The following PRKCE variants were observed in gnomAD, a reference collection of about 807,000 sequenced individuals.
PRKCE encodes protein kinase C epsilon type.
PRKCE carries 16 observed loss-of-function variants against 85.4 expected under a neutral mutation model. That is an observed-to-expected ratio of 0.19 (90% CI 0.13 to 0.28). The LOEUF is 0.28. PRKCE is among the 10% of genes least tolerant of loss of function. The pLI is 1.00. For synonymous variants in PRKCE, 388 were observed against 371.5 expected (o/e 1.04, Z -0.51); for missense variants, 573 against 975.2 (o/e 0.59, Z 5.49).
At chr2:46,135,610 A>C (rs1391436433) in intron 11 of PRKCE, among the ~76,000 whole-genome samples, 2 of 151,980 alleles carry the variant, frequency 1.3e-5, no homozygotes, top group Non-Finnish European at 2.9e-5. Flanking sequence ...AAATGATTGA[A>C]TTTTCCTATG....
intron 1 of PRKCE, among the ~76,000 whole-genome samples, chr2:45,815,439 T>A (rs776272388): frequency 6.6e-6 from 1 of 152,184 alleles, no homozygotes; most frequent in Non-Finnish European, 1.5e-5. Flanking sequence ...CCCCTGATTG[T>A]GTCCTACATT....
intron 10 of PRKCE, among the ~76,000 whole-genome samples, chr2:46,021,141 A>G (rs1022818382): frequency 6.6e-6 from 1 of 152,198 alleles, no homozygotes; most frequent in African/African-American, 2.4e-5. Context: ...AGGCATTTGC[A>G]GGAACAGACC....
chr2:46,154,202 G>C (rs1676960111), intron 13 of PRKCE, among the ~76,000 whole-genome samples: 1 of 152,094 alleles, frequency 6.6e-6, no homozygotes, highest in Admixed American at 6.5e-5. Context: ...GGTAGCTCTG[G>C]CTGCTGGGGA....
At chr2:45,746,716 T>G (rs1286677644) in intron 1 of PRKCE, among the ~76,000 whole-genome samples, 1 of 152,244 alleles carries the variant, frequency 6.6e-6, no homozygotes, top group Admixed American at 6.5e-5. Context: ...AAGACTTTTG[T>G]GGCTGGCTTG....
intron 1 of PRKCE, among the ~76,000 whole-genome samples, chr2:45,700,319 G>A (rs565089681): frequency 1.3e-5 from 2 of 152,152 alleles, no homozygotes; most frequent in South Asian, 4.2e-4. Flanking sequence ...AGGGTGGTGA[G>A]GAGGGCAGTG....
chr2:45,807,612 A>T (rs984231299), intron 1 of PRKCE, among the ~76,000 whole-genome samples: 4 of 152,232 alleles, frequency 2.6e-5, no homozygotes, highest in Non-Finnish European at 4.4e-5. Flanking sequence ...TAGTCGAGGC[A>T]AGGTCTCCCA....
At position 45,845,183 on chromosome 2, in the gene PRKCE, G is replaced by A. The variant is rs1025736149; in HGVS notation, c.412+2120G>A. ...CTTGTTGTTTGTGTTATACACATCT[G>A]TTCTCCCAGTCCTGTTGCTGGGACT... On this transcript the variant is annotated intron_variant, in intron 2 of 14. Coordinates refer to ENST00000306156, the MANE Select transcript of PRKCE (RefSeq NM_005400.3). Among the ~76,000 whole-genome samples, 3 of 150,236 alleles carry A rather than the reference G, an allele frequency of 2.0e-5. No individual in the cohort carries two copies. In the Admixed American group the frequency reaches 2.0e-4, roughly 10 times the overall value.
intron 11 of PRKCE, among the ~76,000 whole-genome samples, chr2:46,110,174 G>A (rs1410174739): frequency 6.6e-6 from 1 of 152,094 alleles, no homozygotes; most frequent in Admixed American, 6.5e-5. Context: ...TCTTTGTCTG[G>A]TTTTAGTGTT....
chr2:45,879,184 G>T (rs1694699177), intron 2 of PRKCE, among the ~76,000 whole-genome samples: 1 of 152,206 alleles, frequency 6.6e-6, no homozygotes, highest in Admixed American at 6.5e-5. Context: ...AAGAGAAGAA[G>T]CAGCTGAATG....
chr2:46,062,481 G>A (rs779180526), intron 10 of PRKCE, among the ~76,000 whole-genome samples: 8 of 151,906 alleles, frequency 5.3e-5, no homozygotes, highest in Non-Finnish European at 8.8e-5. Flanking sequence ...AACCATCCCC[G>A]GGGATTAGGA....
At chr2:45,670,623 G>T (rs1676114607) in intron 1 of PRKCE, among the ~76,000 whole-genome samples, 1 of 152,092 alleles carries the variant, frequency 6.6e-6, no homozygotes, top group Non-Finnish European at 1.5e-5. Context: ...ATTTTAATGA[G>T]TACCAGTAAC....
intron 10 of PRKCE, among the ~76,000 whole-genome samples, chr2:46,045,236 T>A (rs937218923): frequency 8.5e-5 from 13 of 152,216 alleles, no homozygotes; most frequent in Admixed American, 1.3e-4. Flanking sequence ...ATATAGTATT[T>A]ACATACATAC....
At position 45,870,582 on chromosome 2, in the gene PRKCE, G is replaced by A. The variant is rs1332675191; in HGVS notation, c.412+27519G>A. 3.9e-5 allele frequency among the ~76,000 whole-genome samples: 6 copies of A among 152,292 alleles called. No homozygotes were observed. The East Asian group carries it at 1.2e-3, about 29-fold the overall frequency. On this transcript the variant is annotated intron_variant, in intron 2 of 14. Coordinates refer to ENST00000306156, the MANE Select transcript of PRKCE (RefSeq NM_005400.3). ...ATCAGCCATGCAGAGCAGAATTTCA[G>A]CCCATTTCTCTTGAGCATCATGGAA...
At chr2:45,811,704 T>C (rs999870124) in intron 1 of PRKCE, among the ~76,000 whole-genome samples, 1 of 152,160 alleles carries the variant, frequency 6.6e-6, no homozygotes, top group Non-Finnish European at 1.5e-5. Context: ...TCCCCAATTA[T>C]GGGGAGAAGT....
chr2:46,123,687 T>C (rs1351851357), intron 11 of PRKCE, among the ~76,000 whole-genome samples: 1 of 152,118 alleles, frequency 6.6e-6, no homozygotes, highest in Non-Finnish European at 1.5e-5. Flanking sequence ...GGTTTTGCCA[T>C]GTTGACCAGG....
At chr2:45,812,874 G>A (rs1236237206) in intron 1 of PRKCE, among the ~76,000 whole-genome samples, 2 of 152,182 alleles carry the variant, frequency 1.3e-5, no homozygotes, top group Non-Finnish European at 2.9e-5. Context: ...ACACACATTA[G>A]CAAAAATAAT....
At position 45,938,654 on chromosome 2, in the gene PRKCE, T is replaced by A. The variant is rs112631503; in HGVS notation, c.413-37775T>A. Among the ~76,000 whole-genome samples, 25 of 152,338 alleles carry A rather than the reference T, an allele frequency of 1.6e-4. 1 individual carries two copies. The highest frequency in any genetic ancestry group is 6.0e-4 in the African/African-American group (25 of 41,576). ...ATGGGTCCCTTCTCTTTTGCCTAGA[T>A]GCTGCCTTTCCCTGGCTGTTTGACC... On this transcript the variant is annotated intron_variant, in intron 2 of 14. Transcript: ENST00000306156.
At chr2:45,879,159 A>T (rs1694696145) in intron 2 of PRKCE, among the ~76,000 whole-genome samples, 1 of 152,148 alleles carries the variant, frequency 6.6e-6, no homozygotes, top group African/African-American at 2.4e-5. Flanking sequence ...ACTGGCAGAG[A>T]GCAGAGAAGG....
rs1157377855 is a variant in PRKCE, at chr2:46,139,515, A to G, written c.1593-5578A>G. 1.3e-5 allele frequency among the ~76,000 whole-genome samples: 2 copies of G among 152,110 alleles called. No homozygotes were observed. Among genetic ancestry groups the G allele is most frequent in the African/African-American group, 4.8e-5 (2 of 41,416 alleles). On this transcript the variant is annotated intron_variant, in intron 11 of 14. Coordinates refer to ENST00000306156, the MANE Select transcript of PRKCE (RefSeq NM_005400.3). This position sits in a 1 kb window ranked among gnomAD's most constrained non-coding sequence, Gnocchi z 5.2. ...ACAACTGTGCTCTAAATAAGATACA[A>G]GTTTCTTTCTTTTTCATATGAAAGT... is the stretch of plus-strand genomic sequence containing the variant.
Sources: allele counts gnomAD v4.1 joint callset (sites outside exome capture counted in the v4.1 genomes callset), GRCh38; gene constraint gnomAD v4.1.1; non-coding constraint Gnocchi (gnomAD v3.1); transcripts MANE v1.5; gene names NCBI Gene and HGNC (gene_info 2026-07-23, HGNC 2026-07-21).